SFRP2: variants seen among roughly 807,000 people sequenced by gnomAD.
SFRP2 encodes secreted frizzled related protein 2.
In SFRP2, 16 loss-of-function variants were observed where a neutral mutation model predicts 26.0. The ratio of observed to expected loss-of-function variants is 0.61; its 90% CI spans 0.42 to 0.93. The LOEUF is 0.93. SFRP2 is among the 40% of genes least tolerant of loss of function. The pLI is 0.00. For synonymous variants in SFRP2, 173 were observed against 167.3 expected, an observed-to-expected ratio of 1.03 and a Z score of -0.26; for missense variants, 343 against 392.4, an observed-to-expected ratio of 0.87 and a Z score of 1.06.
At position 153,788,757 on chromosome 4, in the gene SFRP2, G is replaced by C. The variant is rs377498509; in HGVS notation, c.79C>G (p.Leu27Val). ...CCLGSARGLF[L>V]FGQPDFSYKR... ...TAGGAGAAGTCGGGCTGGCCAAAGA[G>C]GAAGAGCCCGCGCGCCGAGCCCAGG... is the stretch of plus-strand genomic sequence containing the variant. The change falls in exon 1 of 3, where the codon CTC becomes GTC. Residue 27 changes from leucine to valine, a missense_variant. Leu to Val is a conservative substitution (Grantham distance 32). Transcript: ENST00000274063. 2 of 1,612,108 alleles carry C rather than the reference G, an allele frequency of 1.2e-6. No individual in the cohort carries two copies. Among genetic ancestry groups the C allele is most frequent in the African/African-American group, 2.7e-5 (2 of 74,932 alleles).
At chr4:153,786,024 C>CAAACAGACAAAAGTAGCAA in intron 1 of SFRP2, 80 bp from the exon 2 acceptor site, 2 of 728,506 alleles carry the variant, frequency 2.7e-6, no homozygotes. Flanking sequence ...CTCAAAGGGA[C>CAAACAGACAAAAGTAGCAA]TTATCCAGAC....
In SFRP2 at chr4:153,781,717, G is replaced by C. The variant is rs763381743; in HGVS notation, c.622C>G (p.Arg208Gly). Residue 208 changes from arginine (R) to glycine (G), a missense_variant, in exon 3 of 3, where the codon CGA (arginine) becomes GGA (glycine). By Grantham distance (125) the Arg-to-Gly change is moderately radical (BLOSUM62 -2). Around this residue, in one of 2 missense-constraint regions of SFRP2, gnomAD observed 92 missense variants for 139.0 expected, o/e 0.66. Coordinates refer to ENST00000274063, the MANE Select transcript of SFRP2 (RefSeq NM_003013.3). ...IKVKEITYIN[R>G]DTKIILETKS... ...GTCTCCAGGATGATTTTGGTATCTC[G>C]GTTGATGTAGGTTATCTCCTTCACT... is the stretch of plus-strand genomic sequence containing the variant. 6.2e-7 allele frequency: 1 copy of C among 1,614,056 alleles called. No homozygotes were observed. The highest frequency in any genetic ancestry group is 8.5e-7 in the Non-Finnish European group (1 of 1,179,960).
rs201194044 is a variant in SFRP2 at position 153,781,785 on chromosome 4, A to G, written c.584-30T>C. 484 of 1,583,386 alleles carry G rather than the reference A, an allele frequency of 3.1e-4. No individual in the cohort carries two copies. The African/African-American group carries it at 5.8e-3, about 19-fold the overall frequency. ...GAGGGAGGGCAGAAAGAGTCATGCC[A>G]GTTATAATGAGGGAATACAGTATAC... is the stretch of plus-strand genomic sequence containing the variant. On this transcript the variant is annotated intron_variant, in intron 2 of 2. Transcript: ENST00000274063.
chr4:153,785,801 G>C, intron 2 of SFRP2, 63 bp downstream of exon 2: 1 of 1,095,390 alleles, frequency 9.1e-7, no homozygotes, highest in Non-Finnish European at 1.3e-6. Context: ...TTTGCACCTT[G>C]AAGTTTTACT....
At chr4:153,786,293 C>T (rs1393884762) in intron 1 of SFRP2, among the ~76,000 whole-genome samples, 4 of 152,212 alleles carry the variant, frequency 2.6e-5, no homozygotes, top group Non-Finnish European at 5.9e-5. Flanking sequence ...CTCCCAACCT[C>T]TGGGAAATTC....
chr4:153,788,710 G>A lies in SFRP2; in HGVS notation c.126C>T (p.Pro42=), dbSNP rs1741258831. ...DFSYKRSNCK[P]IPANLQLCHG... ...GGCACAGCTGCAGGTTGGCAGGGAT[G>A]GGCTTGCAATTGCTGCGCTTGTAGG... The change falls in exon 1 of 3, where the codon CCC becomes CCT. Residue 42 remains proline (P), a synonymous_variant. Coordinates refer to ENST00000274063, the MANE Select transcript of SFRP2 (RefSeq NM_003013.3). The A allele has an allele frequency of 3.1e-6, 5 of 1,613,892 alleles. No homozygotes were observed. The highest frequency in any genetic ancestry group is 1.3e-5 in the African/African-American group (1 of 74,934).
chr4:153,786,045 A>T, intron 1 of SFRP2, 101 bp from the exon 2 acceptor site: 4 of 591,654 alleles, frequency 6.8e-6, no homozygotes, highest in Admixed American at 3.8e-5. Flanking sequence ...AAAAGTAGCA[A>T]TTGTCCTATT....
chr4:153,787,234 A>T (rs1267164549), intron 1 of SFRP2, among the ~76,000 whole-genome samples: 1 of 152,254 alleles, frequency 6.6e-6, no homozygotes, highest in Non-Finnish European at 1.5e-5. Context: ...ACTAACCTGT[A>T]TTGGTTGGTC....
rs1339097251 is a variant in SFRP2 at position 153,788,825 on chromosome 4, C to T, written c.11G>A (p.Gly4Asp). 6 of 1,594,858 alleles carry T rather than the reference C, an allele frequency of 3.8e-6. No homozygotes were observed. The highest frequency in any genetic ancestry group is 1.7e-5 in the Admixed American group (1 of 59,192). Residue 4 changes from glycine to aspartate, a missense_variant, in exon 1 of 3, where the codon GGC becomes GAC. This residue lies in a region of SFRP2 where 251 missense variants were observed against 253.3 expected (regional missense o/e 0.99). Transcript: ENST00000274063. ...GAAGAGCAGCAGCAGCGAGCCAGGG[C>T]CCTGCAGCATCGTGGGCGCGCGACC... MLQ[G>D]PGSLLLLFLA... is the part of the protein sequence containing the mutation.
Position 153,781,565 on chromosome 4 carries a change from C to T in SFRP2, c.774G>A (p.Leu258=). The stretch of plus-strand genomic sequence containing the variant: ...CCCCACCCTGTTTCTGTCCCATGAC[C>T]AGATAGGGCGCGTTGATGTCGTTCA... ...EEMNDINAPY[L]VMGQKQGGEL... The change falls in exon 3 of 3, where the codon CTG becomes CTA. Residue 258 remains leucine (L), a synonymous_variant. Coordinates refer to ENST00000274063, the MANE Select transcript of SFRP2 (RefSeq NM_003013.3). 6.2e-7 allele frequency: 1 copy of T among 1,614,190 alleles called. No individual in the cohort carries two copies. The highest frequency in any genetic ancestry group is 8.5e-7 in the Non-Finnish European group (1 of 1,180,026).
rs948101008 is a variant in SFRP2, at chr4:153,780,721, A to G, written c.*730T>C. On this transcript the variant is annotated 3_prime_UTR_variant, in exon 3 of 3. Transcript: ENST00000274063. ...CTATGTATATTACAGGTAAGCTACA[A>G]TGGGTTTAATTTGCAAAAGTTAAGT... 6.5e-6 allele frequency: 1 copy of G among 152,676 alleles called. No homozygotes were observed. The highest frequency in any genetic ancestry group is 2.4e-5 in the African/African-American group (1 of 41,456). 9.5% of individuals were successfully genotyped at this position (152,676 alleles called of 1,614,324 possible). A position where few individuals can be genotyped will look rare whatever the true frequency, so the allele number is the denominator to read the frequency against.
Position 153,788,628 on chromosome 4 carries a change from TCATGG to T in SFRP2, c.203_207del (p.Thr68LysfsTer37). On this transcript the variant is annotated frameshift_variant, in exon 1 of 3. Coordinates refer to ENST00000274063, the MANE Select transcript of SFRP2 (RefSeq NM_003013.3). LOFTEE classifies it high-confidence loss of function. ...GCGCCGGCCTGCTCCAGCACCTCCT[TCATGG>T]TCTCGTGGCCCAGCAGGTTGGGCAG... The T allele has an allele frequency of 6.2e-7, 1 of 1,614,138 alleles. No homozygotes were observed. Among genetic ancestry groups the T allele is most frequent in the South Asian group, 1.1e-5 (1 of 91,078 alleles).
rs1243242183 is a variant in SFRP2, at chr4:153,781,316, A to C, written c.*135T>G. 8.0e-6 allele frequency: 6 copies of C among 748,634 alleles called. No homozygotes were observed. The highest frequency in any genetic ancestry group is 2.2e-6 in the Non-Finnish European group (1 of 463,084). The allele number at this position is 748,634 out of a possible 1,614,324, so 46.4% of individuals were successfully genotyped here. On this transcript the variant is annotated 3_prime_UTR_variant, in exon 3 of 3. Coordinates refer to ENST00000274063, the MANE Select transcript of SFRP2 (RefSeq NM_003013.3). ...AAATGCTGGGGATGCAAACGTGCAA[A>C]AGGCAGGGGGAAGCTGCCCAGGCTG...
Position 153,781,428 on chromosome 4 carries a change from T to TAGGAGCCATCAGGATGC in SFRP2, c.*22_*23insGCATCCTGATGGCTCCT. The TAGGAGCCATCAGGATGC allele has an allele frequency of 6.3e-7, 1 of 1,599,480 alleles. No homozygotes were observed. On this transcript the variant is annotated 3_prime_UTR_variant, in exon 3 of 3. Coordinates refer to ENST00000274063, the MANE Select transcript of SFRP2 (RefSeq NM_003013.3). The stretch of plus-strand genomic sequence containing the variant: ...TCAGCCGTGCTCTGGAGCAGGCCTG[T>TAGGAGCCATCAGGATGC]CGGAGCCATCAGGATGCCGGGACTA...
intron 1 of SFRP2, 40 bp downstream of exon 1, chr4:153,788,294 C>T (rs1741246198): frequency 3.2e-6 from 5 of 1,584,944 alleles, no homozygotes; most frequent in East Asian, 2.3e-5. Flanking sequence ...GGGAGCGTCT[C>T]AGCCCAGCAG....
intron 2 of SFRP2, among the ~76,000 whole-genome samples, chr4:153,782,359 A>G (rs909019854): frequency 6.6e-6 from 1 of 152,230 alleles, no homozygotes; most frequent in African/African-American, 2.4e-5. Context: ...GTGGTTAGTC[A>G]TAAAAGTGTT....
At chr4:153,785,834 G>A in intron 2 of SFRP2, 30 bp downstream of exon 2, 1 of 1,383,226 alleles carries the variant, frequency 7.2e-7, no homozygotes, top group Non-Finnish European at 1.0e-6. Flanking sequence ...TTCTGAATGT[G>A]AAATCTGTTG....
Position 153,781,870 on chromosome 4 carries a change from G to A in SFRP2, c.584-115C>T, listed in dbSNP as rs979517693. 5.7e-6 allele frequency: 5 copies of A among 878,772 alleles called. No homozygotes were observed. In the South Asian group the frequency reaches 8.0e-5, roughly 14 times the overall value. The allele number at this position is 878,772 out of a possible 1,614,324, so 54.4% of individuals were successfully genotyped here. A position where few individuals can be genotyped will look rare whatever the true frequency, so the allele number is the denominator to read the frequency against. On this transcript the variant is annotated intron_variant, in intron 2 of 2. Coordinates refer to ENST00000274063, the MANE Select transcript of SFRP2 (RefSeq NM_003013.3). ...TGGATGAGGAAAGAGAGGCTTCCTA[G>A]AGCTAATGGGACCCTCAGAGGCTGC...
rs889365024 is a variant in SFRP2, at chr4:153,788,979, G to A, written c.-144C>T. ...AGCTGGCAGCCGGCGGCTGGGGCGCGGAGAAGCGGGACACCGGGAGGACAG... is the reference window on the plus strand; with the variant it reads ...AGCTGGCAGCCGGCGGCTGGGGCGCAGAGAAGCGGGACACCGGGAGGACAG... On this transcript the variant is annotated 5_prime_UTR_variant, in exon 1 of 3. Transcript: ENST00000274063. 27 of 1,016,722 alleles carry A rather than the reference G, an allele frequency of 2.7e-5. No homozygotes were observed. In the African/African-American group the frequency reaches 2.7e-4, roughly 10 times the overall value. 63.0% of individuals were successfully genotyped at this position (1,016,722 alleles called of 1,614,324 possible).
Sources: allele counts gnomAD v4.1 joint callset (sites outside exome capture counted in the v4.1 genomes callset), GRCh38; gene constraint gnomAD v4.1.1; regional missense constraint gnomAD v4.1.1; transcripts MANE v1.5; gene names NCBI Gene and HGNC (gene_info 2026-07-23, HGNC 2026-07-21).